NPAS3: variants seen among roughly 807,000 people sequenced by gnomAD.
NPAS3 encodes neuronal PAS domain-containing protein 3.
Under a neutral mutation model 73.1 loss-of-function variants are expected in NPAS3, and 14 were observed. That is an observed-to-expected ratio of 0.19 (90% CI 0.13 to 0.30). NPAS3 has a LOEUF of 0.30. Among genes scored for constraint, NPAS3 ranks in the 10% least tolerant of loss-of-function variants. The pLI is 1.00. For synonymous variants in NPAS3, 620 were observed against 541.5 expected, an observed-to-expected ratio of 1.14 and a Z score of -2.01; for missense variants, 1,096 against 1,250.0, an observed-to-expected ratio of 0.88 and a Z score of 1.86.
At chr14:33,106,956 C>G (rs754327640) in intron 2 of NPAS3, among the ~76,000 whole-genome samples, 1 of 152,090 alleles carries the variant, frequency 6.6e-6, no homozygotes, top group Non-Finnish European at 1.5e-5. Context: ...TTTGTACTTG[C>G]ATTTACTTTT....
chr14:33,442,360 C>T (rs570730201), intron 4 of NPAS3, among the ~76,000 whole-genome samples: 3 of 151,676 alleles, frequency 2.0e-5, no homozygotes, highest in South Asian at 4.2e-4. Flanking sequence ...GGGAGGATTG[C>T]GTGAGCCCAG....
chr14:33,501,459 A>G (rs1157803557), intron 4 of NPAS3, among the ~76,000 whole-genome samples: 1 of 151,908 alleles, frequency 6.6e-6, no homozygotes, highest in Non-Finnish European at 1.5e-5. Context: ...ATGTAATAAT[A>G]TATTCTACTA....
chr14:33,626,264 T>C (rs1212634192), intron 5 of NPAS3, among the ~76,000 whole-genome samples: 1 of 152,198 alleles, frequency 6.6e-6, no homozygotes, highest in Non-Finnish European at 1.5e-5. Context: ...GCATAAAATT[T>C]ACCTTTAGAG....
At chr14:33,159,314 T>C (rs922426401) in intron 2 of NPAS3, among the ~76,000 whole-genome samples, 1 of 152,208 alleles carries the variant, frequency 6.6e-6, no homozygotes, top group African/African-American at 2.4e-5. Flanking sequence ...TTGTGAGCTC[T>C]GAAGTTTGCA....
intron 4 of NPAS3, among the ~76,000 whole-genome samples, chr14:33,474,654 AGAACAG>A (rs2050938701): frequency 6.6e-6 from 1 of 152,150 alleles, no homozygotes; most frequent in Non-Finnish European, 1.5e-5. Flanking sequence ...ACCATGACCT[AGAACAG>A]GGAAGGAGGG....
intron 5 of NPAS3, among the ~76,000 whole-genome samples, chr14:33,628,047 CT>C (rs1457639422): frequency 6.6e-6 from 1 of 152,214 alleles, no homozygotes; most frequent in African/African-American, 2.4e-5. Context: ...TTGAATATGC[CT>C]CTTTGCCATA....
intron 5 of NPAS3, among the ~76,000 whole-genome samples, chr14:33,586,268 A>T (rs2056859689): frequency 7.3e-6 from 1 of 137,924 alleles, no homozygotes; most frequent in Admixed American, 7.6e-5. Context: ...ATAGCATAAT[A>T]ATTCACTTTC....
At chr14:33,727,361 T>G (rs2061295987) in intron 6 of NPAS3, among the ~76,000 whole-genome samples, 1 of 152,160 alleles carries the variant, frequency 6.6e-6, no homozygotes, top group African/African-American at 2.4e-5. Context: ...TGCTGTGATA[T>G]GCGCTAAACA....
Position 32,975,896 on chromosome 14 carries a change from T to TGTGTGTGTGAGA in NPAS3, c.50+36531_50+36532insTGTGTGTGAGAG, listed in dbSNP as rs374916231. Among the ~76,000 whole-genome samples the TGTGTGTGTGAGA allele has an allele frequency of 9.6e-3, 1,369 of 142,242 alleles. 7 individuals carry two copies. Among genetic ancestry groups the TGTGTGTGTGAGA allele is most frequent in the Non-Finnish European group, 0.015 (1,009 of 65,330 alleles). 93.3% of individuals were successfully genotyped at this position (142,242 alleles called of 152,430 possible). A position where few individuals can be genotyped will look rare whatever the true frequency, so the allele number is the denominator to read the frequency against. ...GTGTGTGTGTGTGTGTGTGTGTGTGTGAGAGAGAGAGAGTTTGCAGACACG... is the reference window on the plus strand; with the variant it reads ...GTGTGTGTGTGTGTGTGTGTGTGTGTGTGTGTGTGAGAGAGAGAGAGAGAGTTTGCAGACACG... On this transcript the variant is annotated intron_variant, in intron 1 of 11. Transcript: ENST00000356141.
chr14:33,072,522 G>C (rs193284551), intron 2 of NPAS3, among the ~76,000 whole-genome samples: 14 of 152,094 alleles, frequency 9.2e-5, no homozygotes, highest in African/African-American at 3.4e-4. Context: ...AAAGAACAGC[G>C]TGGGCTACTG....
At chr14:33,349,182 C>T (rs2044899242) in intron 3 of NPAS3, among the ~76,000 whole-genome samples, 1 of 152,278 alleles carries the variant, frequency 6.6e-6, no homozygotes, top group East Asian at 1.9e-4. Context: ...AGGACGAATT[C>T]TCTGCACTTG....
At chr14:33,466,705 T>A (rs1391378862) in intron 4 of NPAS3, among the ~76,000 whole-genome samples, 3 of 151,590 alleles carry the variant, frequency 2.0e-5, no homozygotes, top group African/African-American at 7.3e-5. Flanking sequence ...GAGAGAGGCG[T>A]CTCACATGAT....
intron 3 of NPAS3, among the ~76,000 whole-genome samples, chr14:33,294,360 A>G (rs2042214595): frequency 6.6e-6 from 1 of 152,064 alleles, no homozygotes; most frequent in Non-Finnish European, 1.5e-5. Flanking sequence ...TTTTTGACCT[A>G]ATTTTACTTT....
chr14:33,332,749 CA>C (rs2044042570), intron 3 of NPAS3, among the ~76,000 whole-genome samples: 1 of 152,164 alleles, frequency 6.6e-6, no homozygotes, highest in Non-Finnish European at 1.5e-5. Flanking sequence ...TGCCTGTTTA[CA>C]AGTCAGTTGA....
intron 7 of NPAS3, among the ~76,000 whole-genome samples, chr14:33,738,397 A>G (rs1022319181): frequency 6.6e-6 from 1 of 152,184 alleles, no homozygotes; most frequent in African/African-American, 2.4e-5. Context: ...AATTTTTAAA[A>G]GAAAAACTTC....
chr14:33,336,732 C>T (rs1481293862), intron 3 of NPAS3, among the ~76,000 whole-genome samples: 1 of 152,162 alleles, frequency 6.6e-6, no homozygotes, highest in African/African-American at 2.4e-5. Context: ...CAAATATTGC[C>T]TACACTCAAA....
In NPAS3 at chr14:33,800,448, C is replaced by T. The variant is rs749234577; in HGVS notation, c.2141C>T (p.Ser714Leu). ...GGGCTGCACGTGGCCATTCCCGACTCGGTCCTCACCCCGCCCGGCGCCGAC... is the reference window on the plus strand; with the variant it reads ...GGGCTGCACGTGGCCATTCCCGACTTGGTCCTCACCCCGCCCGGCGCCGAC... The change falls in exon 12 of 12, where the codon TCG (serine) becomes TTG (leucine). Residue 714 changes from serine (S) to leucine (L), a missense_variant. By Grantham distance (145) the Ser-to-Leu change is moderately radical. This residue lies in a region of NPAS3 where 698 missense variants were observed against 676.7 expected (regional missense o/e 1.03). Transcript: ENST00000356141. The surrounding 1 kb of genome is among the most constrained non-coding windows in gnomAD (Gnocchi z 6.5). The T allele has an allele frequency of 1.9e-6, 3 of 1,551,366 alleles. No individual in the cohort carries two copies. The highest frequency in any genetic ancestry group is 2.6e-6 in the Non-Finnish European group (3 of 1,155,162).
intron 1 of NPAS3, among the ~76,000 whole-genome samples, chr14:33,004,817 C>CTTTTTTTTTTTTTTTTTTTGTTTTTTTTT: frequency 1.6e-5 from 1 of 63,998 alleles, no homozygotes; most frequent in Non-Finnish European, 3.5e-5. Context: ...AAAAGTTTTC[C>CTTTTTTTTTTTTTTTTTTTGTTTTTTTTT]TTTTTTTTTT....
At chr14:33,161,799 C>T (rs1037720870) in intron 2 of NPAS3, among the ~76,000 whole-genome samples, 1 of 152,122 alleles carries the variant, frequency 6.6e-6, no homozygotes, top group Non-Finnish European at 1.5e-5. Flanking sequence ...TACAAATGTT[C>T]ATAAGTACTT....
Sources: allele counts gnomAD v4.1 joint callset (sites outside exome capture counted in the v4.1 genomes callset), GRCh38; gene constraint gnomAD v4.1.1; regional missense constraint gnomAD v4.1.1; non-coding constraint Gnocchi (gnomAD v3.1); transcripts MANE v1.5; gene names NCBI Gene and HGNC (gene_info 2026-07-23, HGNC 2026-07-21).